The following VWC2L variants were observed in gnomAD, a reference collection of about 807,000 sequenced individuals.
VWC2L encodes the protein von Willebrand factor C domain-containing protein 2-like.
A neutral mutation model predicts 21.6 loss-of-function variants in VWC2L; 10 were observed. The ratio of observed to expected loss-of-function variants is 0.46; its 90% confidence interval spans 0.29 to 0.78. The LOEUF is 0.78. Ranked by LOEUF, VWC2L falls within the 30% of genes least tolerant of loss-of-function variation. The probability of loss-of-function intolerance (pLI) is 0.10; values close to 1 mark genes in which losing one functional copy is unlikely to be tolerated. For missense variants in VWC2L, 209 were observed against 277.1 expected, an observed-to-expected ratio of 0.75 and a Z score of 1.74; for synonymous variants, 96 against 94.3, an observed-to-expected ratio of 1.02 and a Z score of -0.10.
intron 3 of VWC2L, among the ~76,000 whole-genome samples, chr2:214,517,957 G>T (rs1454984599): frequency 6.6e-6 from 1 of 152,146 alleles, no homozygotes; most frequent in Non-Finnish European, 1.5e-5. Context: ...ACGAGGTCAG[G>T]AGATCGAGAC....
intron 3 of VWC2L, among the ~76,000 whole-genome samples, chr2:214,554,111 A>G (rs1025095355): frequency 6.6e-6 from 1 of 151,086 alleles, no homozygotes; most frequent in Non-Finnish European, 1.5e-5. Flanking sequence ...TTACCAAAAT[A>G]GTTCCTTTTC....
chr2:214,444,907 CG>C (rs1445035216), intron 3 of VWC2L, among the ~76,000 whole-genome samples: 2 of 151,788 alleles, frequency 1.3e-5, no homozygotes, highest in Non-Finnish European at 2.9e-5. Context: ...CAAATCATAA[CG>C]GTATGTTGAA....
At chr2:214,447,048 ACTCT>A (rs1702848103) in intron 3 of VWC2L, among the ~76,000 whole-genome samples, 1 of 152,034 alleles carries the variant, frequency 6.6e-6, no homozygotes, top group African/African-American at 2.4e-5. Flanking sequence ...TTGTAGACAG[ACTCT>A]CTAATAAACT....
chr2:214,450,538 T>G (rs937145785), intron 3 of VWC2L, among the ~76,000 whole-genome samples: 2 of 152,200 alleles, frequency 1.3e-5, no homozygotes, highest in Non-Finnish European at 2.9e-5. Context: ...GTTACATATA[T>G]TTTCCTAATG....
At chr2:214,411,851 A>G (rs1259825095) in intron 1 of VWC2L, 65 bp downstream of exon 1, 1 of 152,102 alleles carries the variant, frequency 6.6e-6, no homozygotes, top group African/African-American at 2.4e-5. Context: ...GTCATTTTAA[A>G]TCATCTGTAG....
At chr2:214,458,590 A>G (rs1479675692) in intron 3 of VWC2L, among the ~76,000 whole-genome samples, 1 of 152,054 alleles carries the variant, frequency 6.6e-6, no homozygotes, top group Non-Finnish European at 1.5e-5. Context: ...CCCTCTTAGC[A>G]CAGCTTTTGC....
At chr2:214,510,179 G>C (rs1459255774) in intron 3 of VWC2L, 1 of 152,078 alleles carries the variant, frequency 6.6e-6, no homozygotes, top group Non-Finnish European at 1.5e-5. Context: ...TCATTCTGAA[G>C]TTGTCAGTCC....
chr2:214,543,541 T>G lies in VWC2L; in HGVS notation c.521-32131T>G, dbSNP rs185967147. ...AAATATAATAGTCAATGAAAAGTAT[T>G]GTTTTACCTAGAGCACATTCCAGAA... On this transcript the variant is annotated intron_variant, in intron 3 of 3. Coordinates refer to ENST00000312504, the MANE Select transcript of VWC2L (RefSeq NM_001080500.4). 2.0e-5 allele frequency among the ~76,000 whole-genome samples: 3 copies of G among 152,286 alleles called. No homozygotes were observed. In the East Asian group the frequency reaches 5.8e-4, roughly 29 times the overall value.
chr2:214,567,545 CAT>C (rs1217049386), intron 3 of VWC2L, among the ~76,000 whole-genome samples: 6 of 67,854 alleles, frequency 8.8e-5, no homozygotes, highest in African/African-American at 2.8e-4. Flanking sequence ...CCTTCATCCA[CAT>C]ACACACACAC....
At chr2:214,461,671 C>A (rs552824217) in intron 3 of VWC2L, among the ~76,000 whole-genome samples, 1 of 152,210 alleles carries the variant, frequency 6.6e-6, no homozygotes, top group East Asian at 1.9e-4. Flanking sequence ...GCCGGCAGTG[C>A]CAGGCTGGTA....
chr2:214,421,377 T>C (rs763233211), intron 2 of VWC2L, among the ~76,000 whole-genome samples: 4 of 152,256 alleles, frequency 2.6e-5, no homozygotes, highest in Non-Finnish European at 4.4e-5. Context: ...TCTCTTACTT[T>C]ACATTTTAAG....
chr2:214,453,868 G>A lies in VWC2L; in HGVS notation c.520+17110G>A, dbSNP rs189695308. ...CCCAAGTAGCTAAGATTACAGGCGT[G>A]TGCTGCCACACCCAGCTAATTTTTT... On this transcript the variant is annotated intron_variant, in intron 3 of 3. Coordinates refer to ENST00000312504, the MANE Select transcript of VWC2L (RefSeq NM_001080500.4). Among the ~76,000 whole-genome samples, 4 of 151,720 alleles carry A rather than the reference G, an allele frequency of 2.6e-5. No individual in the cohort carries two copies. The East Asian group carries it at 7.8e-4, about 29-fold the overall frequency.
In VWC2L at chr2:214,507,548, T is replaced by C. The variant is rs553201007; in HGVS notation, c.521-68124T>C. The stretch of plus-strand genomic sequence containing the variant: ...GCATTCCCCAAGGTCTCCTGGCAAG[T>C]CAGTGATGGAACCAGGATTTTGACT... On this transcript the variant is annotated intron_variant, in intron 3 of 3. Coordinates refer to ENST00000312504, the MANE Select transcript of VWC2L (RefSeq NM_001080500.4). 1.4e-4 allele frequency among the ~76,000 whole-genome samples: 22 copies of C among 152,314 alleles called. 1 individual carries two copies. In the Middle Eastern group the frequency reaches 0.01, roughly 71 times the overall value.
chr2:214,575,024 G>C (rs1294220112), intron 3 of VWC2L, among the ~76,000 whole-genome samples: 1 of 136,452 alleles, frequency 7.3e-6, no homozygotes, highest in Non-Finnish European at 1.5e-5. Context: ...CACTATTTTG[G>C]GTCATTCTTT....
chr2:214,435,164 C>G (rs1478034382), intron 2 of VWC2L, among the ~76,000 whole-genome samples: 3 of 152,154 alleles, frequency 2.0e-5, no homozygotes, highest in East Asian at 1.9e-4. Context: ...CTAATTTTCT[C>G]CATTAAATAA....
chr2:214,414,648 T>C (rs1206033857), intron 2 of VWC2L, 65 bp downstream of exon 2: 1 of 1,517,614 alleles, frequency 6.6e-7, no homozygotes. Context: ...AGTACATTGC[T>C]ACATTAAAGT....
chr2:214,475,974 C>A (rs1688510810), intron 3 of VWC2L, among the ~76,000 whole-genome samples: 1 of 152,134 alleles, frequency 6.6e-6, no homozygotes, highest in Admixed American at 6.6e-5. Flanking sequence ...ACATGCAAAG[C>A]AGCCGCAAAA....
At chr2:214,493,334 G>A (rs1688770031) in intron 3 of VWC2L, among the ~76,000 whole-genome samples, 1 of 152,148 alleles carries the variant, frequency 6.6e-6, no homozygotes, top group South Asian at 2.1e-4. Flanking sequence ...TTGTGCAAGT[G>A]ACAAAGCCTA....
At chr2:214,512,071 A>G (rs1689064705) in intron 3 of VWC2L, among the ~76,000 whole-genome samples, 1 of 152,016 alleles carries the variant, frequency 6.6e-6, no homozygotes, top group Non-Finnish European at 1.5e-5. Flanking sequence ...TATCCATTTC[A>G]CTTGATCATA....
Sources: allele counts gnomAD v4.1 joint callset (sites outside exome capture counted in the v4.1 genomes callset), GRCh38; gene constraint gnomAD v4.1.1; transcripts MANE v1.5; gene names NCBI Gene and HGNC (gene_info 2026-07-23, HGNC 2026-07-21).